AKNA: variants seen among roughly 807,000 people sequenced by gnomAD.
AKNA encodes AT-hook transcription factor, also known as microtubule organization protein AKNA.
AKNA carries 67 observed loss-of-function variants against 138.8 expected under a neutral mutation model. The ratio of observed to expected loss-of-function variants is 0.48; its 90% CI spans 0.40 to 0.59. The LOEUF (loss-of-function observed/expected upper bound fraction) is 0.59. Among genes scored for constraint, AKNA ranks in the 20% least tolerant of loss-of-function variants. The pLI is 0.00. For missense variants in AKNA, 1,813 were observed against 1,880.4 expected, an observed-to-expected ratio of 0.96 and a Z score of 0.66; for synonymous variants, 737 against 754.4, an observed-to-expected ratio of 0.98 and a Z score of 0.38.
chr9:114,368,236 C>CGA (rs1832513609), intron 5 of AKNA: 13 of 497,222 alleles, frequency 2.6e-5, no homozygotes, highest in Non-Finnish European at 3.5e-5. Context: ...AGGGCCAGGG[C>CGA]TGCCCCCAGG....
At position 114,355,154 on chromosome 9, in the gene AKNA, C is replaced by A. The variant is rs540899285; in HGVS notation, c.3058+771G>T. ...AAGTGCTGAGATTACAGGCATGAGC[C>A]ACCATGCCCGGCCTGTACTGTACTT... On this transcript the variant is annotated intron_variant, in intron 14 of 21. Coordinates refer to ENST00000374088, the MANE Select transcript of AKNA (RefSeq NM_001317950.2). Among the ~76,000 whole-genome samples the A allele has an allele frequency of 3.4e-3, 508 of 149,136 alleles. 8 individuals carry two copies. Among genetic ancestry groups the A allele is most frequent in the African/African-American group, 0.012 (476 of 40,288 alleles).
At chr9:114,351,121 G>T in intron 14 of AKNA, 100 bp from the exon 15 acceptor site, 1 of 1,271,556 alleles carries the variant, frequency 7.9e-7, no homozygotes, top group Non-Finnish European at 1.1e-6. Context: ...AAGAGACGGT[G>T]CCTAGTTCAA....
chr9:114,371,995 G>C (rs1832801422), intron 4 of AKNA, among the ~76,000 whole-genome samples: 1 of 152,220 alleles, frequency 6.6e-6, no homozygotes, highest in South Asian at 2.1e-4. Context: ...TGGACCCAGA[G>C]TGAATCCCCT....
Position 114,361,874 on chromosome 9 carries a change from G to C in AKNA, c.1954C>G (p.Leu652Val), listed in dbSNP as rs201526872. ...EAEIYRLGSC[L>V]EELKEHIDQT... ...TCTATGTGTTCCTTCAGCTCTTCCA[G>C]GCAGCTTCCCAGACGGTATATCTCT... The change falls in exon 9 of 22, where the codon CTG (leucine) becomes GTG (valine). Residue 652 changes from leucine (L) to valine (V), a missense_variant. Coordinates refer to ENST00000374088, the MANE Select transcript of AKNA (RefSeq NM_001317950.2). 15 of 1,607,370 alleles carry C rather than the reference G, an allele frequency of 9.3e-6. No individual in the cohort carries two copies. In the East Asian group the frequency reaches 2.7e-4, roughly 29 times the overall value.
At chr9:114,398,103 C>A (rs971226472), upstream of AKNA, among the ~76,000 whole-genome samples, 36 of 152,100 alleles carry the variant, frequency 2.4e-4, no homozygotes, top group African/African-American at 7.2e-4. The surrounding 1 kb of genome is among the most constrained non-coding windows in gnomAD (Gnocchi z 4.2). Context: ...TGCCACCAGC[C>A]CCAGCTGGAA....
rs1319147182 is a variant in AKNA at position 114,351,008 on chromosome 9, T to C, written c.3072A>G (p.Ser1024=). 2.5e-6 allele frequency: 4 copies of C among 1,613,756 alleles called. No homozygotes were observed. The highest frequency in any genetic ancestry group is 2.5e-6 in the Non-Finnish European group (3 of 1,179,968). ...AAATCCGTTTGTGCCCCTCAAACTC[T>C]GAGCCAGGAACCGCTAGGGAGGCAG... The part of the protein sequence containing the change: ...TLAAEMAVPG[S]EFEGHKRISE... The change falls in exon 15 of 22, where the codon TCA becomes TCG. Residue 1024 remains serine, a synonymous_variant. Transcript: ENST00000374088.
At chr9:114,386,741 G>A (rs1007117752) in intron 1 of AKNA, among the ~76,000 whole-genome samples, 1 of 152,112 alleles carries the variant, frequency 6.6e-6, no homozygotes, top group East Asian at 1.9e-4. Context: ...GTTCCTGGGT[G>A]GGATGGACTC....
chr9:114,357,885 G>C (rs1473814793), intron 12 of AKNA, 36 bp downstream of exon 12: 3 of 1,587,688 alleles, frequency 1.9e-6, no homozygotes, highest in Non-Finnish European at 2.6e-6. Context: ...GAATGACCCT[G>C]AGGTTCTGGG....
chr9:114,363,675 G>C (rs183064022), intron 7 of AKNA, among the ~76,000 whole-genome samples: 22 of 152,258 alleles, frequency 1.4e-4, no homozygotes, highest in Admixed American at 1.4e-3. Context: ...TTGAGCATCA[G>C]GGCTGTCTAC....
chr9:114,347,828 T>A lies in AKNA; in HGVS notation c.3294A>T (p.Pro1098=). Residue 1098 remains proline (P), a synonymous_variant, in exon 16 of 22, where the codon CCA becomes CCT. Transcript: ENST00000374088. ...RLRLEDSLHQ[P]LQGSPTRPAS... is the part of the protein sequence containing the mutation. ...CTGGGCGTGTCGGGCTGCCCTGGAG[T>A]GGCTGGTGCAGGCTGTCTTCCAGCC... The A allele has an allele frequency of 6.4e-7, 1 of 1,550,518 alleles. No homozygotes were observed. The highest frequency in any genetic ancestry group is 1.2e-5 in the South Asian group (1 of 83,840).
intron 4 of AKNA, among the ~76,000 whole-genome samples, chr9:114,372,312 C>T (rs913943776): frequency 6.6e-6 from 1 of 152,064 alleles, no homozygotes; most frequent in Non-Finnish European, 1.5e-5. Flanking sequence ...TGGGTGCTGG[C>T]CAGGGCAGGG....
intron 1 of AKNA, among the ~76,000 whole-genome samples, chr9:114,381,856 G>A (rs558461566): frequency 6.6e-6 from 1 of 151,944 alleles, no homozygotes; most frequent in East Asian, 1.9e-4. Context: ...TCACTGTATT[G>A]GCGAGGCTGG....
intron 14 of AKNA, among the ~76,000 whole-genome samples, chr9:114,355,704 C>T (rs562194735): frequency 6.6e-5 from 10 of 152,258 alleles, no homozygotes; most frequent in South Asian, 6.2e-4. Flanking sequence ...ACATTTATAT[C>T]GGCACAGAGA....
At chr9:114,351,055 T>C (rs1395839667) in intron 14 of AKNA, 34 bp from the exon 15 acceptor site, 6 of 1,603,656 alleles carry the variant, frequency 3.7e-6, no homozygotes. Context: ...AAAGTGAGTT[T>C]AAGCAGAGAG....
At chr9:114,354,136 A>G (rs1831318618) in intron 14 of AKNA, among the ~76,000 whole-genome samples, 1 of 152,242 alleles carries the variant, frequency 6.6e-6, no homozygotes, top group Non-Finnish European at 1.5e-5. Context: ...TACATTGTAA[A>G]GTAAAAAATA....
intron 14 of AKNA, among the ~76,000 whole-genome samples, chr9:114,352,992 T>A (rs1219349095): frequency 6.6e-6 from 1 of 152,110 alleles, no homozygotes; most frequent in Non-Finnish European, 1.5e-5. Context: ...GTGGTTATGT[T>A]TGGGAAGCAG....
chr9:114,366,582 T>C (rs1832376075), intron 6 of AKNA, among the ~76,000 whole-genome samples: 1 of 150,956 alleles, frequency 6.6e-6, no homozygotes, highest in South Asian at 2.1e-4. Flanking sequence ...GCAAATATAC[T>C]AAAAACCGCT....
At chr9:114,379,106 C>T (rs1248854983) in intron 2 of AKNA, among the ~76,000 whole-genome samples, 1 of 152,242 alleles carries the variant, frequency 6.6e-6, no homozygotes, top group African/African-American at 2.4e-5. Context: ...GACCCAGGCC[C>T]CAGCCATGCA....
downstream of AKNA, chr9:114,331,779 G>A (rs775922024): frequency 8.1e-6 from 13 of 1,596,714 alleles, no homozygotes; most frequent in South Asian, 1.1e-5. Flanking sequence ...CTGGCCTCCC[G>A]CCGGGCCCCA....
Sources: allele counts gnomAD v4.1 joint callset (sites outside exome capture counted in the v4.1 genomes callset), GRCh38; gene constraint gnomAD v4.1.1; non-coding constraint Gnocchi (gnomAD v3.1); transcripts MANE v1.5; gene names NCBI Gene and HGNC (gene_info 2026-07-23, HGNC 2026-07-21).